The following RPS6KC1 variants were observed in gnomAD, a reference collection of about 807,000 sequenced individuals.
RPS6KC1 encodes inactive ribosomal protein S6 kinase delta-1.
In RPS6KC1, 54 loss-of-function variants were observed where a neutral mutation model predicts 103.8. That is an observed-to-expected ratio of 0.52 (90% CI 0.42 to 0.65). RPS6KC1 has a LOEUF of 0.65. RPS6KC1 is among the 30% of genes least tolerant of loss of function. The probability of loss-of-function intolerance (pLI) is 0.00; values close to 1 mark genes in which losing one functional copy is unlikely to be tolerated. For missense variants in RPS6KC1, 1,151 were observed against 1,253.8 expected, an observed-to-expected ratio of 0.92 and a Z score of 1.24; for synonymous variants, 439 against 438.7, an observed-to-expected ratio of 1.00 and a Z score of -0.01.
chr1:213,717,600 T>A, the RPS6KC1 span, among the ~76,000 whole-genome samples: 256 of 152,180 alleles, frequency 1.7e-3, 1 homozygote, highest in African/African-American at 5.8e-3. Flanking sequence ...AGCAAAGGAG[T>A]TTAGACTTCA....
intron 6 of RPS6KC1, among the ~76,000 whole-genome samples, chr1:213,164,180 A>G (rs947047360): frequency 5.9e-5 from 9 of 152,222 alleles, no homozygotes; most frequent in Non-Finnish European, 1.2e-4. Context: ...TATATTTCTT[A>G]TAAATAGAAT....
chr1:213,202,376 T>C (rs1248032264), intron 8 of RPS6KC1, among the ~76,000 whole-genome samples: 1 of 91,780 alleles, frequency 1.1e-5, no homozygotes, highest in Non-Finnish European at 2.2e-5. Flanking sequence ...TTTGGGAGAC[T>C]GAGGCAGGTG....
At chr1:213,116,067 G>A (rs2083564902) in intron 4 of RPS6KC1, among the ~76,000 whole-genome samples, 1 of 151,908 alleles carries the variant, frequency 6.6e-6, no homozygotes, top group African/African-American at 2.4e-5. Context: ...TATCTATTAG[G>A]TCCGCTTGGT....
chr1:213,808,489 T>C, the RPS6KC1 span, among the ~76,000 whole-genome samples: 3 of 152,168 alleles, frequency 2.0e-5, no homozygotes, highest in Non-Finnish European at 4.4e-5. Context: ...CAATGGTGGG[T>C]GCCCCTCCCC....
the RPS6KC1 span, among the ~76,000 whole-genome samples, chr1:213,740,482 G>A: frequency 6.6e-6 from 1 of 152,022 alleles, no homozygotes; most frequent in Non-Finnish European, 1.5e-5. Flanking sequence ...TAGACTCACT[G>A]TTTGTTTGTT....
At chr1:213,727,045 T>C in the RPS6KC1 span, among the ~76,000 whole-genome samples, 1 of 152,222 alleles carries the variant, frequency 6.6e-6, no homozygotes, top group Non-Finnish European at 1.5e-5. Flanking sequence ...TTGCCCTGAC[T>C]CTTGTATGCT....
the RPS6KC1 span, among the ~76,000 whole-genome samples, chr1:213,627,407 C>T: frequency 1.1e-4 from 16 of 151,898 alleles, no homozygotes; most frequent in Non-Finnish European, 1.5e-4. Flanking sequence ...AATTGAATAC[C>T]CTTTATTTCC....
chr1:213,485,141 C>T, the RPS6KC1 span, among the ~76,000 whole-genome samples: 1 of 152,258 alleles, frequency 6.6e-6, no homozygotes, highest in East Asian at 1.9e-4. Flanking sequence ...GCTGGGCTTA[C>T]AAGTGTGAGC....
chr1:213,422,500 GA>G, the RPS6KC1 span, among the ~76,000 whole-genome samples: 1 of 152,284 alleles, frequency 6.6e-6, no homozygotes, highest in South Asian at 2.1e-4. Context: ...TTCAATTCTG[GA>G]AATATGCAGA....
At chr1:213,225,568 T>C (rs2093941044) in intron 8 of RPS6KC1, among the ~76,000 whole-genome samples, 1 of 152,120 alleles carries the variant, frequency 6.6e-6, no homozygotes, top group South Asian at 2.1e-4. Flanking sequence ...TTTGTATTTT[T>C]AGTAGAGACG....
chr1:213,468,157 T>G, the RPS6KC1 span, among the ~76,000 whole-genome samples: 1 of 152,268 alleles, frequency 6.6e-6, no homozygotes, highest in African/African-American at 2.4e-5. Context: ...TTGTGTTTGA[T>G]GTATAAAGTT....
At chr1:213,620,271 G>A in the RPS6KC1 span, among the ~76,000 whole-genome samples, 1 of 152,184 alleles carries the variant, frequency 6.6e-6, no homozygotes, top group Non-Finnish European at 1.5e-5. Context: ...GCTTCACACT[G>A]GGTCACTCAA....
chr1:213,237,512 TATAC>T (rs1328246497), intron 10 of RPS6KC1, among the ~76,000 whole-genome samples: 1 of 152,084 alleles, frequency 6.6e-6, no homozygotes, highest in Non-Finnish European at 1.5e-5. Flanking sequence ...AACATGTATT[TATAC>T]ATACATGTTT....
At chr1:213,711,997 A>G in the RPS6KC1 span, among the ~76,000 whole-genome samples, 1 of 152,152 alleles carries the variant, frequency 6.6e-6, no homozygotes, top group Non-Finnish European at 1.5e-5. Flanking sequence ...GGGGTCAGGG[A>G]CCCACTTAAG....
At chr1:213,308,256 G>A in the RPS6KC1 span, among the ~76,000 whole-genome samples, 2 of 150,042 alleles carry the variant, frequency 1.3e-5, no homozygotes, top group African/African-American at 4.9e-5. Context: ...AGAGGTTGCA[G>A]TGAGCCGAGA....
the RPS6KC1 span, among the ~76,000 whole-genome samples, chr1:213,654,711 A>G: frequency 6.6e-6 from 1 of 152,182 alleles, no homozygotes; most frequent in African/African-American, 2.4e-5. Flanking sequence ...AGTGAGCCTT[A>G]AAAATGTGGC....
chr1:213,588,250 A>G, the RPS6KC1 span, among the ~76,000 whole-genome samples: 2 of 150,606 alleles, frequency 1.3e-5, no homozygotes, highest in Non-Finnish European at 2.9e-5. Context: ...AATCCCACTC[A>G]TGAGAGTAGA....
chr1:213,159,055 C>T (rs2090201742), intron 6 of RPS6KC1, among the ~76,000 whole-genome samples: 1 of 151,874 alleles, frequency 6.6e-6, no homozygotes, highest in Non-Finnish European at 1.5e-5. Flanking sequence ...TGTTTTGCTT[C>T]TTCATTTGTC....
chr1:213,068,783 G>A (rs957985442), intron 1 of RPS6KC1, among the ~76,000 whole-genome samples: 6 of 151,670 alleles, frequency 4.0e-5, no homozygotes, highest in South Asian at 2.1e-4. Flanking sequence ...AGGCTGAGGC[G>A]GGAGGATTGC....
Sources: allele counts gnomAD v4.1 joint callset (sites outside exome capture counted in the v4.1 genomes callset), GRCh38; gene constraint gnomAD v4.1.1; transcripts MANE v1.5; gene names NCBI Gene and HGNC (gene_info 2026-07-23, HGNC 2026-07-21).